Variants in NLGN1 observed in about 807,000 individuals in gnomAD.
NLGN1 encodes neuroligin-1.
In NLGN1, 12 loss-of-function variants were observed where a neutral mutation model predicts 65.5. That is an observed-to-expected ratio of 0.18 (90% CI 0.12 to 0.30). NLGN1 has a LOEUF of 0.30. Ranked by LOEUF, NLGN1 falls within the 10% of genes least tolerant of loss-of-function variation. The probability of loss-of-function intolerance (pLI) is 1.00; values close to 1 mark genes in which losing one functional copy is unlikely to be tolerated. For missense variants in NLGN1, 750 were observed against 1,007.1 expected (o/e 0.74, Z 3.46); for synonymous variants, 350 against 359.5 (o/e 0.97, Z 0.30).
intron 3 of NLGN1, among the ~76,000 whole-genome samples, chr3:173,767,119 TA>T (rs1370068123): frequency 6.6e-6 from 1 of 152,138 alleles, no homozygotes; most frequent in African/African-American, 2.4e-5. Flanking sequence ...AATGCGGATA[TA>T]AATTAATAAT....
chr3:174,138,758 T>C (rs1168529872), intron 4 of NLGN1, among the ~76,000 whole-genome samples: 1 of 152,176 alleles, frequency 6.6e-6, no homozygotes, highest in African/African-American at 2.4e-5. Context: ...GATTTAGTTC[T>C]TTATGCACAG....
At chr3:174,144,321 G>T (rs1297965550) in intron 4 of NLGN1, among the ~76,000 whole-genome samples, 1 of 152,124 alleles carries the variant, frequency 6.6e-6, no homozygotes, top group African/African-American at 2.4e-5. Flanking sequence ...ATCATTGATG[G>T]GCATTTGGGT....
chr3:173,802,428 C>T (rs1007861732), intron 3 of NLGN1, among the ~76,000 whole-genome samples: 3 of 152,126 alleles, frequency 2.0e-5, no homozygotes, highest in Admixed American at 1.3e-4. Flanking sequence ...CAGTCAATTC[C>T]AGTTCGGTCT....
At chr3:173,684,680 T>G (rs1467207241) in intron 3 of NLGN1, among the ~76,000 whole-genome samples, 1 of 152,216 alleles carries the variant, frequency 6.6e-6, no homozygotes, top group African/African-American at 2.4e-5. Context: ...AATCAGGTTA[T>G]TGTTCACTTT....
chr3:173,830,020 G>T (rs897932254), intron 4 of NLGN1, among the ~76,000 whole-genome samples: 4 of 145,172 alleles, frequency 2.8e-5, no homozygotes, highest in African/African-American at 1.0e-4. Context: ...GGGGGGGAGG[G>T]AGAGAATAAA....
chr3:173,960,122 A>C (rs1713176209), intron 4 of NLGN1, among the ~76,000 whole-genome samples: 1 of 152,104 alleles, frequency 6.6e-6, no homozygotes, highest in Admixed American at 6.6e-5. Flanking sequence ...GCATTACATA[A>C]GACAGAAGTT....
At chr3:173,761,805 A>G (rs778100070) in intron 3 of NLGN1, among the ~76,000 whole-genome samples, 2 of 152,038 alleles carry the variant, frequency 1.3e-5, no homozygotes, top group African/African-American at 4.8e-5. Flanking sequence ...AAACTTATCA[A>G]TTGAGACAGA....
intron 3 of NLGN1, among the ~76,000 whole-genome samples, chr3:173,711,703 G>C (rs1233732296): frequency 1.3e-5 from 2 of 152,112 alleles, no homozygotes; most frequent in Non-Finnish European, 2.9e-5. Context: ...GGTAAGATAT[G>C]CACTGAGCAT....
chr3:174,143,773 A>G lies in NLGN1; in HGVS notation c.647-131542A>G, dbSNP rs182173965. 8.5e-5 allele frequency among the ~76,000 whole-genome samples: 13 copies of G among 152,322 alleles called. No individual in the cohort carries two copies. The East Asian group carries it at 1.4e-3, about 16-fold the overall frequency. On this transcript the variant is annotated intron_variant, in intron 4 of 6. Transcript: ENST00000457714. ...TCAGACACAAGTTTAGGATTGGTTA[A>G]CAAATTCTTCATAGCAGGAATTAAT... is the stretch of plus-strand genomic sequence containing the variant.
chr3:173,978,569 A>T (rs970677317), intron 4 of NLGN1, among the ~76,000 whole-genome samples: 1 of 152,028 alleles, frequency 6.6e-6, no homozygotes, highest in African/African-American at 2.4e-5. Context: ...TCCACATGGA[A>T]TAGTCAATTA....
intron 4 of NLGN1, among the ~76,000 whole-genome samples, chr3:173,907,945 C>T (rs983381819): frequency 3.9e-5 from 6 of 152,302 alleles, no homozygotes; most frequent in Middle Eastern, 3.4e-3. Flanking sequence ...GTCTCGAACT[C>T]CTGACCTCAG....
chr3:173,525,226 G>GTTT (rs557846075), intron 2 of NLGN1, among the ~76,000 whole-genome samples: 2 of 127,004 alleles, frequency 1.6e-5, no homozygotes, highest in Admixed American at 8.1e-5. Flanking sequence ...TCCTGGGTGG[G>GTTT]TTTTTTGTTG....
chr3:173,829,314 A>G (rs900983575), intron 4 of NLGN1, among the ~76,000 whole-genome samples: 1 of 152,166 alleles, frequency 6.6e-6, no homozygotes, highest in South Asian at 2.1e-4. Context: ...AATTAGATAC[A>G]CAAGTTTAGA....
chr3:173,785,647 G>A (rs891259230), intron 3 of NLGN1, among the ~76,000 whole-genome samples: 4 of 151,802 alleles, frequency 2.6e-5, no homozygotes, highest in Non-Finnish European at 5.9e-5. Flanking sequence ...ATGGCATACA[G>A]AGGTATATAC....
At chr3:173,802,374 A>G (rs900694412) in intron 3 of NLGN1, among the ~76,000 whole-genome samples, 4 of 152,194 alleles carry the variant, frequency 2.6e-5, no homozygotes. Context: ...GAGTTATTGA[A>G]TCAATAAATA....
intron 2 of NLGN1, among the ~76,000 whole-genome samples, chr3:173,442,225 CATT>C (rs773340283): frequency 1.2e-4 from 19 of 152,048 alleles, no homozygotes; most frequent in Non-Finnish European, 2.8e-4. Context: ...ATTTTAAAAT[CATT>C]AATTATTGAA....
intron 2 of NLGN1, among the ~76,000 whole-genome samples, chr3:173,524,798 T>C (rs1735352589): frequency 6.6e-6 from 1 of 152,186 alleles, no homozygotes; most frequent in Admixed American, 6.5e-5. Context: ...TATTAAATGC[T>C]TTTTCTGCAT....
At chr3:173,797,699 C>CA (rs758416340) in intron 3 of NLGN1, among the ~76,000 whole-genome samples, 4,146 of 147,256 alleles carry the variant, frequency 0.028, 137 homozygotes, top group African/African-American at 0.075. Flanking sequence ...ACAACAACAA[C>CA]AAAAAAAAAC....
At chr3:174,276,651 A>G (rs1750649313) in intron 5 of NLGN1, among the ~76,000 whole-genome samples, 1 of 151,904 alleles carries the variant, frequency 6.6e-6, no homozygotes, top group African/African-American at 2.4e-5. Context: ...GCCAGTCATT[A>G]AATGAATCCA....
Sources: gnomAD v4.1 joint callset for allele counts (sites outside exome capture counted in the v4.1 genomes callset) on GRCh38, gnomAD v4.1.1 for gene constraint, MANE v1.5 for transcripts, NCBI Gene and HGNC (gene_info 2026-07-23, HGNC 2026-07-21) for gene names.